Variants in RERE observed in about 807,000 individuals in gnomAD.
RERE encodes arginine-glutamic acid dipeptide repeats.
RERE carries 40 observed loss-of-function variants against 146.1 expected under a neutral mutation model. The observed-to-expected ratio is 0.27, with a 90% CI of 0.21 to 0.36. The LOEUF is 0.36. Among genes scored for constraint, RERE ranks in the 10% least tolerant of loss-of-function variants. RERE has a pLI of 1.00. For missense variants in RERE, 1,933 were observed against 2,138.7 expected, an observed-to-expected ratio of 0.90 and a Z score of 1.90; for synonymous variants, 1,003 against 866.0, an observed-to-expected ratio of 1.16 and a Z score of -2.78.
intron 12 of RERE, among the ~76,000 whole-genome samples, chr1:8,414,399 T>C (rs1326398184): frequency 2.0e-5 from 3 of 151,360 alleles, no homozygotes; most frequent in African/African-American, 4.9e-5. Context: ...CTACTAAAAA[T>C]ACAAAACTCA....
At chr1:8,369,096 G>A (rs1641927851) in intron 12 of RERE, among the ~76,000 whole-genome samples, 2 of 152,120 alleles carry the variant, frequency 1.3e-5, no homozygotes, top group Admixed American at 1.3e-4. Flanking sequence ...AGCTATTCAG[G>A]AAGCTGAGAC....
chr1:8,797,421 C>T (rs1641498911), intron 1 of RERE, among the ~76,000 whole-genome samples: 1 of 151,798 alleles, frequency 6.6e-6, no homozygotes, highest in Admixed American at 6.6e-5. Context: ...AAGATACACG[C>T]CAGATCATTA....
intron 1 of RERE, among the ~76,000 whole-genome samples, chr1:8,780,158 C>A (rs963765725): frequency 6.6e-6 from 1 of 152,144 alleles, no homozygotes; most frequent in Non-Finnish European, 1.5e-5. Context: ...GGTTCTAATG[C>A]CAACTCTGTC....
At chr1:8,568,862 T>C (rs994903696) in intron 4 of RERE, among the ~76,000 whole-genome samples, 2 of 152,124 alleles carry the variant, frequency 1.3e-5, no homozygotes, top group African/African-American at 2.4e-5. Context: ...TATCTTTCTA[T>C]CCAGCCAGCC....
At chr1:8,669,118 G>A (rs1169773272) in intron 1 of RERE, among the ~76,000 whole-genome samples, 1 of 146,792 alleles carries the variant, frequency 6.8e-6, no homozygotes, top group African/African-American at 2.5e-5. Context: ...ACCCAGGCTG[G>A]AGTGCAGTGG....
intron 4 of RERE, among the ~76,000 whole-genome samples, chr1:8,612,222 A>G (rs1173136337): frequency 1.3e-5 from 2 of 152,180 alleles, no homozygotes; most frequent in Non-Finnish European, 2.9e-5. Flanking sequence ...TGTTAATGAT[A>G]TTGTCTGCAA....
chr1:8,401,493 C>G (rs1349507381), intron 12 of RERE, among the ~76,000 whole-genome samples: 3 of 152,058 alleles, frequency 2.0e-5, no homozygotes, highest in Admixed American at 1.3e-4. Flanking sequence ...GGTGCAGTGG[C>G]TCATGCCTAT....
intron 12 of RERE, among the ~76,000 whole-genome samples, chr1:8,420,753 G>A (rs1451157549): frequency 6.6e-6 from 1 of 152,242 alleles, no homozygotes; most frequent in Non-Finnish European, 1.5e-5. Flanking sequence ...AGAGAAGGGA[G>A]AAGAGCTACA....
chr1:8,557,319 C>CA (rs1646019658), intron 5 of RERE, 99 bp downstream of exon 5: 2 of 817,178 alleles, frequency 2.4e-6, no homozygotes, highest in Non-Finnish European at 4.1e-6. Flanking sequence ...CTCCAAAATC[C>CA]ATTTTTCAAA....
At chr1:8,454,736 T>C (rs159959) in intron 11 of RERE, among the ~76,000 whole-genome samples, 129,405 of 151,874 alleles carry the variant, frequency 0.85, 55,517 homozygotes, top group East Asian at 0.94. Flanking sequence ...ACCTGGGAGG[T>C]GGAGGTTGCA....
intron 7 of RERE, among the ~76,000 whole-genome samples, chr1:8,514,139 T>C (rs1354277879): frequency 1.3e-5 from 2 of 152,232 alleles, no homozygotes; most frequent in Non-Finnish European, 2.9e-5. Flanking sequence ...GAAATTCTAA[T>C]TTTTACTTGA....
At chr1:8,692,160 G>A (rs1434774055) in intron 1 of RERE, among the ~76,000 whole-genome samples, 2 of 152,104 alleles carry the variant, frequency 1.3e-5, no homozygotes, top group Non-Finnish European at 2.9e-5. Context: ...TTTGGAAAAC[G>A]AAGAACACAG....
intron 1 of RERE, among the ~76,000 whole-genome samples, chr1:8,691,438 A>G (rs545070125): frequency 1.3e-5 from 2 of 152,332 alleles, no homozygotes; most frequent in South Asian, 4.1e-4. Flanking sequence ...TGTTCGCACA[A>G]GTCAATGGCC....
chr1:8,418,099 C>T (rs1264646303), intron 12 of RERE, among the ~76,000 whole-genome samples: 1 of 152,206 alleles, frequency 6.6e-6, no homozygotes, highest in Non-Finnish European at 1.5e-5. Flanking sequence ...AAATGTCGTG[C>T]TGGCTCCCTG....
At chr1:8,374,034 A>G (rs1353604364) in intron 12 of RERE, among the ~76,000 whole-genome samples, 1 of 152,230 alleles carries the variant, frequency 6.6e-6, no homozygotes, top group Non-Finnish European at 1.5e-5. Context: ...GTGGTCTCTG[A>G]GTGCAGCAGG....
chr1:8,665,707 C>A (rs1009210144), intron 1 of RERE, among the ~76,000 whole-genome samples: 1 of 152,030 alleles, frequency 6.6e-6, no homozygotes, highest in African/African-American at 2.4e-5. Context: ...TAATGGAATG[C>A]CCCCAAAATA....
chr1:8,613,966 A>G (rs189505076), intron 4 of RERE, among the ~76,000 whole-genome samples: 61 of 152,264 alleles, frequency 4.0e-4, no homozygotes, highest in Middle Eastern at 3.4e-3. Flanking sequence ...CACTACAGAT[A>G]CTTCATCCTG....
At chr1:8,748,058 G>A (rs1471916236) in intron 1 of RERE, among the ~76,000 whole-genome samples, 1 of 152,074 alleles carries the variant, frequency 6.6e-6, no homozygotes, top group Admixed American at 6.5e-5. Context: ...GATTACAAGC[G>A]TGAGCCACCA....
intron 11 of RERE, 52 bp downstream of exon 11, chr1:8,465,873 C>T (rs367836286): frequency 6.1e-5 from 91 of 1,494,384 alleles, no homozygotes; most frequent in African/African-American, 3.3e-4. Context: ...CACACTGAGA[C>T]GCCGGTGGCC....
Sources: allele counts gnomAD v4.1 joint callset (sites outside exome capture counted in the v4.1 genomes callset), GRCh38; gene constraint gnomAD v4.1.1; transcripts MANE v1.5; gene names NCBI Gene and HGNC (gene_info 2026-07-23, HGNC 2026-07-21).